The following GRHL2 variants were observed in gnomAD, a reference collection of about 807,000 sequenced individuals.
GRHL2 encodes the protein grainyhead like transcription factor 2, also known as grainyhead-like protein 2 homolog.
A neutral mutation model predicts 83.8 loss-of-function variants in GRHL2; 21 were observed. The ratio of observed to expected loss-of-function variants is 0.25; its 90% CI spans 0.18 to 0.36. The LOEUF is 0.36. Among genes scored for constraint, GRHL2 ranks in the 10% least tolerant of loss-of-function variants. GRHL2 has a pLI of 1.00. For missense variants in GRHL2, 623 were observed against 781.8 expected (o/e 0.80, Z 2.42); for synonymous variants, 280 against 278.9 (o/e 1.00, Z -0.04).
intron 7 of GRHL2, among the ~76,000 whole-genome samples, chr8:101,594,059 G>A (rs1457422744): frequency 8.9e-6 from 1 of 112,752 alleles, no homozygotes; most frequent in Non-Finnish European, 1.7e-5. Flanking sequence ...ATAAGAGTGA[G>A]AGTCTGTATC....
At chr8:101,596,841 G>A (rs776796203) in intron 7 of GRHL2, among the ~76,000 whole-genome samples, 1 of 152,128 alleles carries the variant, frequency 6.6e-6, no homozygotes, top group Non-Finnish European at 1.5e-5. Flanking sequence ...TCCTGTGGTG[G>A]CCACACACGC....
chr8:101,552,893 A>T, intron 3 of GRHL2, 111 bp downstream of exon 3: 1 of 1,003,356 alleles, frequency 1.0e-6, no homozygotes, highest in Non-Finnish European at 1.5e-6. Context: ...GCTTAGCATC[A>T]TCTATCTGTC....
At position 101,558,865 on chromosome 8, in the gene GRHL2, A is replaced by G. The variant is rs1811544776; in HGVS notation, c.678+53A>G. The G allele has an allele frequency of 1.9e-6, 3 of 1,582,580 alleles. No individual in the cohort carries two copies. In the African/African-American group the frequency reaches 4.1e-5, roughly 21 times the overall value. ...GAACCCAAACCCAGAGCCCCTAGCT[A>G]ATTTTTTTCTATTTCCTTTCAAAGT... On this transcript the variant is annotated intron_variant, in intron 4 of 15. Coordinates refer to ENST00000646743, the MANE Select transcript of GRHL2 (RefSeq NM_024915.4).
At chr8:101,622,365 G>A (rs1209664525) in intron 9 of GRHL2, among the ~76,000 whole-genome samples, 1 of 152,092 alleles carries the variant, frequency 6.6e-6, no homozygotes, top group African/African-American at 2.4e-5. Context: ...GACTCTAGTA[G>A]TCAACAAACT....
At chr8:101,584,591 TA>T (rs547305514) in intron 7 of GRHL2, among the ~76,000 whole-genome samples, 37 of 151,432 alleles carry the variant, frequency 2.4e-4, no homozygotes, top group Admixed American at 1.1e-3. Flanking sequence ...TTTAAACTGT[TA>T]AAAAAAAAGA....
At chr8:101,591,634 G>C (rs951366446) in intron 7 of GRHL2, among the ~76,000 whole-genome samples, 1 of 152,164 alleles carries the variant, frequency 6.6e-6, no homozygotes, top group African/African-American at 2.4e-5. Context: ...GCATCAAGCA[G>C]ACCCGGATTC....
At chr8:101,616,469 C>G (rs1325317967) in intron 8 of GRHL2, among the ~76,000 whole-genome samples, 1 of 152,184 alleles carries the variant, frequency 6.6e-6, no homozygotes, top group African/African-American at 2.4e-5. Flanking sequence ...CCACGCCCAG[C>G]CTGTGTGTTC....
intron 14 of GRHL2, among the ~76,000 whole-genome samples, chr8:101,654,135 C>T (rs886448261): frequency 6.6e-6 from 1 of 152,208 alleles, no homozygotes; most frequent in Non-Finnish European, 1.5e-5. Flanking sequence ...AGACTAAATG[C>T]TCTCTGTTGA....
intron 14 of GRHL2, among the ~76,000 whole-genome samples, chr8:101,662,115 C>T (rs1266396111): frequency 1.3e-5 from 2 of 152,204 alleles, no homozygotes; most frequent in Non-Finnish European, 2.9e-5. Flanking sequence ...CAGAATTTTG[C>T]ATGCGTGTGC....
chr8:101,595,190 T>C (rs1210171013), intron 7 of GRHL2, among the ~76,000 whole-genome samples: 2 of 152,196 alleles, frequency 1.3e-5, no homozygotes, highest in African/African-American at 4.8e-5. Context: ...ATACATTTGT[T>C]GATTAAGTGA....
chr8:101,560,176 T>TTGTGTGTG (rs35280910), intron 4 of GRHL2, among the ~76,000 whole-genome samples: 4 of 148,962 alleles, frequency 2.7e-5, no homozygotes, highest in African/African-American at 9.9e-5. Context: ...TGGCTAAATT[T>TTGTGTGTG]TGTGTGTGTG....
intron 14 of GRHL2, among the ~76,000 whole-genome samples, chr8:101,652,341 A>G (rs141732933): frequency 0.095 from 6,674 of 70,496 alleles, 1,641 homozygotes; most frequent in African/African-American, 0.21. Flanking sequence ...GTGTGTGTGT[A>G]TGTGTGTGGT....
chr8:101,630,543 T>C (rs968719545), intron 9 of GRHL2, among the ~76,000 whole-genome samples: 17 of 152,238 alleles, frequency 1.1e-4, no homozygotes, highest in African/African-American at 3.9e-4. Context: ...TTGTTAAATC[T>C]ATCTGTTTTG....
chr8:101,631,239 CT>C (rs759868814), intron 9 of GRHL2, among the ~76,000 whole-genome samples: 63 of 152,342 alleles, frequency 4.1e-4, no homozygotes, highest in Non-Finnish European at 6.0e-4. Context: ...TTAAAGCCCT[CT>C]CCATGCCTAG....
At position 101,667,264 on chromosome 8, in the gene GRHL2, C is replaced by G. The variant is rs1452222673; in HGVS notation, c.*561C>G. 1 of 184,682 alleles carries G rather than the reference C, an allele frequency of 5.4e-6. No individual in the cohort carries two copies. Among genetic ancestry groups the G allele is most frequent in the Non-Finnish European group, 1.2e-5 (1 of 86,200 alleles). 11.4% of individuals were successfully genotyped at this position (184,682 alleles called of 1,614,324 possible). A position where few individuals can be genotyped will look rare whatever the true frequency, so the allele number is the denominator to read the frequency against. Reference sequence around the variant, plus strand: ...TACCTCCAGGGTTCCCAGCAAGTGGCCACCAGGCCTTGTACAGGAAGACAT... The same window carrying G: ...TACCTCCAGGGTTCCCAGCAAGTGGGCACCAGGCCTTGTACAGGAAGACAT... On this transcript the variant is annotated 3_prime_UTR_variant, in exon 16 of 16. Coordinates refer to ENST00000646743, the MANE Select transcript of GRHL2 (RefSeq NM_024915.4).
At chr8:101,556,766 A>G (rs761825177) in intron 3 of GRHL2, among the ~76,000 whole-genome samples, 1 of 152,160 alleles carries the variant, frequency 6.6e-6, no homozygotes, top group Non-Finnish European at 1.5e-5. Flanking sequence ...ATAAATTCTC[A>G]TTATTTTATT....
chr8:101,556,108 C>T (rs764825525), intron 3 of GRHL2, among the ~76,000 whole-genome samples: 1 of 152,154 alleles, frequency 6.6e-6, no homozygotes, highest in Non-Finnish European at 1.5e-5. Flanking sequence ...CATGCATGTG[C>T]CACCACGCCT....
At chr8:101,523,705 C>G (rs1301387524) in intron 1 of GRHL2, among the ~76,000 whole-genome samples, 2 of 152,050 alleles carry the variant, frequency 1.3e-5, no homozygotes, top group East Asian at 3.9e-4. Context: ...TCTTGAATTC[C>G]TGGGCTCAAA....
chr8:101,609,820 C>T lies in GRHL2; in HGVS notation c.1099-9719C>T, dbSNP rs1005128666. Among the ~76,000 whole-genome samples, 9 of 151,124 alleles carry T rather than the reference C, an allele frequency of 6.0e-5. 2 individuals carry two copies. Among genetic ancestry groups the T allele is most frequent in the African/African-American group, 2.0e-4 (8 of 40,528 alleles). ...AAGAAATTGTTGGTTGGCTGGGAAA[C>T]AAGGAAGGGAGGTCATTTTCACAGT... On this transcript the variant is annotated intron_variant, in intron 8 of 15. Coordinates refer to ENST00000646743, the MANE Select transcript of GRHL2 (RefSeq NM_024915.4).
Sources: allele counts gnomAD v4.1 joint callset (sites outside exome capture counted in the v4.1 genomes callset), GRCh38; gene constraint gnomAD v4.1.1; transcripts MANE v1.5; gene names NCBI Gene and HGNC (gene_info 2026-07-23, HGNC 2026-07-21).